CDYL: variants seen among roughly 807,000 people sequenced by gnomAD.
CDYL encodes chromodomain Y-like protein.
CDYL carries 8 observed loss-of-function variants against 47.3 expected under a neutral mutation model. That is an observed-to-expected ratio of 0.17 (90% CI 0.10 to 0.31). The LOEUF is 0.31. Ranked by LOEUF, CDYL falls within the 10% of genes least tolerant of loss-of-function variation. CDYL has a pLI of 1.00. For synonymous variants in CDYL, 266 were observed against 265.0 expected (o/e 1.00, Z -0.04); for missense variants, 471 against 701.4 (o/e 0.67, Z 3.71).
chr6:4,781,571 T>C (rs941936245), intron 1 of CDYL, among the ~76,000 whole-genome samples: 2 of 152,232 alleles, frequency 1.3e-5, no homozygotes, highest in African/African-American at 4.8e-5. Context: ...TATTTATTCA[T>C]TTGCCCCAGC....
At chr6:4,840,398 T>G (rs1760452645) in intron 1 of CDYL, among the ~76,000 whole-genome samples, 1 of 152,182 alleles carries the variant, frequency 6.6e-6, no homozygotes, top group Non-Finnish European at 1.5e-5. Flanking sequence ...GGCCTTTCTT[T>G]CTTTCTTTTG....
At position 4,924,653 on chromosome 6, in the gene CDYL, G is replaced by A. The variant is rs532250985; in HGVS notation, c.692-10862G>A. On this transcript the variant is annotated intron_variant, in intron 2 of 6. Transcript: ENST00000397588. Reference sequence around the variant, plus strand: ...TAAGTTGGATGGTTTTATTTTTAGGGCCAGGTCTAAAACATGGCTGTGAAT... The same window carrying A: ...TAAGTTGGATGGTTTTATTTTTAGGACCAGGTCTAAAACATGGCTGTGAAT... Among the ~76,000 whole-genome samples, 21 of 152,204 alleles carry A rather than the reference G, an allele frequency of 1.4e-4. No individual in the cohort carries two copies. In the South Asian group the frequency reaches 3.7e-3, roughly 27 times the overall value.
chr6:4,740,264 G>T (rs2127416744), intron 3 of CDYL, among the ~76,000 whole-genome samples: 1 of 152,278 alleles, frequency 6.6e-6, no homozygotes, highest in Middle Eastern at 3.4e-3. Flanking sequence ...GTGTATCACA[G>T]AACAACACAG....
chr6:4,894,985 A>G (rs565684412), intron 2 of CDYL, among the ~76,000 whole-genome samples: 3 of 151,676 alleles, frequency 2.0e-5, no homozygotes, highest in Non-Finnish European at 1.5e-5. Flanking sequence ...GTGTATGCAT[A>G]TGTGTATACT....
rs1344425471 is a variant in CDYL, at chr6:4,879,145, G to A, written c.25-12568G>A. On this transcript the variant is annotated intron_variant, in intron 1 of 6. Transcript: ENST00000397588. ...GTCTATCATTGTGAATATTTCAAGT[G>A]ATTTAAAGATACATTCGACAGTTGG... Among the ~76,000 whole-genome samples, 2 of 152,218 alleles carry A rather than the reference G, an allele frequency of 1.3e-5. 1 individual carries two copies. The highest frequency in any genetic ancestry group is 4.2e-4 in the South Asian group (2 of 4,818).
At position 4,776,757 on chromosome 6, in the gene CDYL, C is replaced by T. The variant is rs1219455508; in HGVS notation, c.-27C>T. 7.2e-6 allele frequency: 9 copies of T among 1,246,444 alleles called. No homozygotes were observed. The Admixed American group carries it at 8.9e-5, about 12-fold the overall frequency. 77.2% of individuals were successfully genotyped at this position (1,246,444 alleles called of 1,614,324 possible). A position where few individuals can be genotyped will look rare whatever the true frequency, so the allele number is the denominator to read the frequency against. ...GCCGGCGCCCGCCCCGACCCTGCCC[C>T]TCCCGCCCGCAACTCCGCCGCCCAC... On this transcript the variant is annotated 5_prime_UTR_variant, in exon 1 of 7. Transcript: ENST00000397588.
intron 1 of CDYL, among the ~76,000 whole-genome samples, chr6:4,831,887 G>A (rs564933248): frequency 6.6e-6 from 1 of 152,034 alleles, no homozygotes; most frequent in African/African-American, 2.4e-5. Context: ...GTCTGTTATT[G>A]GTGTATAAGA....
At chr6:4,713,453 G>A (rs1757192166) in intron 1 of CDYL, among the ~76,000 whole-genome samples, 1 of 152,176 alleles carries the variant, frequency 6.6e-6, no homozygotes, top group African/African-American at 2.4e-5. Flanking sequence ...CTGACGAAAA[G>A]TCAAATTCCA....
chr6:4,845,422 CTTTAG>C (rs899769369), intron 1 of CDYL, among the ~76,000 whole-genome samples: 6 of 152,256 alleles, frequency 3.9e-5, no homozygotes, highest in African/African-American at 9.6e-5. Context: ...GTATTCTTAA[CTTTAG>C]TTTAATTTGT....
intron 1 of CDYL, among the ~76,000 whole-genome samples, chr6:4,811,608 C>CTTTTTT (rs397975784): frequency 2.3e-4 from 29 of 126,722 alleles, no homozygotes; most frequent in African/African-American, 7.4e-4. Context: ...TGACATTATT[C>CTTTTTT]TTTTTTTTTT....
At chr6:4,827,592 A>G (rs1410141539) in intron 1 of CDYL, among the ~76,000 whole-genome samples, 2 of 152,248 alleles carry the variant, frequency 1.3e-5, no homozygotes, top group African/African-American at 2.4e-5. Flanking sequence ...TGTTCTTACA[A>G]AGTACATATT....
At chr6:4,803,513 C>G (rs1759283171) in intron 1 of CDYL, among the ~76,000 whole-genome samples, 1 of 152,184 alleles carries the variant, frequency 6.6e-6, no homozygotes, top group Non-Finnish European at 1.5e-5. Flanking sequence ...TCAGGATTCT[C>G]TCACCAACTT....
Position 4,953,883 on chromosome 6 carries a change from T to G in CDYL, c.1477-15T>G. 1 of 1,608,638 alleles carries G rather than the reference T, an allele frequency of 6.2e-7. No individual in the cohort carries two copies. The highest frequency in any genetic ancestry group is 8.5e-7 in the Non-Finnish European group (1 of 1,177,114). On this transcript the variant is annotated splice_polypyrimidine_tract_variant and intron_variant, in intron 6 of 6. Transcript: ENST00000397588. Reference sequence around the variant, plus strand: ...GCATGCACCCTGCTAACTGGCTGCTTGTTTTCCGGTGCAGGTGCTTGAGGA... The same window carrying G: ...GCATGCACCCTGCTAACTGGCTGCTGGTTTTCCGGTGCAGGTGCTTGAGGA...
At position 4,821,600 on chromosome 6, in the gene CDYL, G is replaced by A. The variant is rs367929659; in HGVS notation, c.24+44793G>A. ...AATACAAAAATTGGTGGGCGTGGTG[G>A]CATGCACCTGTAATCCCAGCTATTC... On this transcript the variant is annotated intron_variant, in intron 1 of 6. Transcript: ENST00000397588. 1.7e-4 allele frequency among the ~76,000 whole-genome samples: 26 copies of A among 152,144 alleles called. 1 individual carries two copies. The highest frequency in any genetic ancestry group is 6.0e-4 in the African/African-American group (25 of 41,518).
chr6:4,776,316 G>A (rs1316814518), upstream of CDYL: 2 of 143,094 alleles, frequency 1.4e-5, no homozygotes, highest in Non-Finnish European at 3.1e-5. Context: ...TCCCGCGCGG[G>A]CGGCCCGAAA....
chr6:4,738,063 A>C, intron 3 of CDYL, among the ~76,000 whole-genome samples: 1 of 152,216 alleles, frequency 6.6e-6, no homozygotes, highest in Admixed American at 6.5e-5. Flanking sequence ...TAAATGATAC[A>C]TGCAGTAATT....
intron 2 of CDYL, among the ~76,000 whole-genome samples, chr6:4,922,386 G>A (rs952742602): frequency 6.6e-6 from 1 of 152,226 alleles, no homozygotes; most frequent in South Asian, 2.1e-4. Flanking sequence ...CATGGGCAAT[G>A]AATCCTGAGG....
intron 3 of CDYL, among the ~76,000 whole-genome samples, chr6:4,748,013 T>C (rs6930328): frequency 0.094 from 14,319 of 152,256 alleles, 781 homozygotes; most frequent in African/African-American, 0.13. Context: ...AGGTGTTTAA[T>C]AAATATCTAT....
intron 2 of CDYL, among the ~76,000 whole-genome samples, chr6:4,899,852 T>C (rs1315961494): frequency 2.0e-5 from 3 of 152,176 alleles, no homozygotes; most frequent in Non-Finnish European, 4.4e-5. Context: ...GTGTGAGCTG[T>C]GTGGAGTCCC....
Sources: allele counts gnomAD v4.1 joint callset (sites outside exome capture counted in the v4.1 genomes callset), GRCh38; gene constraint gnomAD v4.1.1; transcripts MANE v1.5; gene names NCBI Gene and HGNC (gene_info 2026-07-23, HGNC 2026-07-21).